SEZ6L: variants seen among roughly 807,000 people sequenced by gnomAD.
The protein encoded by SEZ6L is seizure related 6 homolog like, also known as seizure 6-like protein.
In SEZ6L, 37 loss-of-function variants were observed where a neutral mutation model predicts 106.2. That is an observed-to-expected ratio of 0.35 (90% CI 0.27 to 0.46). The LOEUF (loss-of-function observed/expected upper bound fraction) is 0.46, where lower values mean the gene tolerates loss of function less well. Ranked by LOEUF, SEZ6L falls within the 20% of genes least tolerant of loss-of-function variation. SEZ6L has a pLI of 1.00. For synonymous variants in SEZ6L, 541 were observed against 570.4 expected, an observed-to-expected ratio of 0.95 and a Z score of 0.73; for missense variants, 1,172 against 1,332.8, an observed-to-expected ratio of 0.88 and a Z score of 1.88.
chr22:26,314,658 CA>C (rs1362800443), intron 9 of SEZ6L, among the ~76,000 whole-genome samples: 1 of 152,214 alleles, frequency 6.6e-6, no homozygotes, highest in African/African-American at 2.4e-5. Context: ...CCTGTATTCA[CA>C]GGGGGTAACC....
chr22:26,336,974 T>C (rs1033674037), intron 9 of SEZ6L, among the ~76,000 whole-genome samples: 13 of 152,164 alleles, frequency 8.5e-5, no homozygotes, highest in Admixed American at 3.3e-4. Flanking sequence ...GTAACGATGA[T>C]GATGCCAAAA....
In SEZ6L at chr22:26,314,097, G is replaced by C. The variant is rs570006363; in HGVS notation, c.2015+195G>C. 2.0e-3 allele frequency among the ~76,000 whole-genome samples: 273 copies of C among 137,016 alleles called. 1 individual carries two copies. Among genetic ancestry groups the C allele is most frequent in the South Asian group, 0.016 (64 of 4,120 alleles). The allele number at this position is 137,016 out of a possible 152,430, so 89.9% of individuals were successfully genotyped here. A position where few individuals can be genotyped will look rare whatever the true frequency, so the allele number is the denominator to read the frequency against. On this transcript the variant is annotated intron_variant, in intron 9 of 16. Transcript: ENST00000248933. ...ACACACACACACACACACACACACAGAGAGAGAGAGAGAGGAGAGAGAGAG... is the reference window on the plus strand; with the variant it reads ...ACACACACACACACACACACACACACAGAGAGAGAGAGAGGAGAGAGAGAG...
At chr22:26,182,294 C>G (rs943122056) in intron 1 of SEZ6L, among the ~76,000 whole-genome samples, 4 of 152,168 alleles carry the variant, frequency 2.6e-5, no homozygotes, top group Admixed American at 6.6e-5. Context: ...CTTGGCGTAT[C>G]AGATAGTCAG....
intron 1 of SEZ6L, among the ~76,000 whole-genome samples, chr22:26,249,752 A>T (rs2079505001): frequency 6.6e-6 from 1 of 152,150 alleles, no homozygotes; most frequent in Non-Finnish European, 1.5e-5. Context: ...AGAAACCTTG[A>T]TACTGTTTTC....
intron 1 of SEZ6L, among the ~76,000 whole-genome samples, chr22:26,291,672 G>C (rs1285501593): frequency 3.3e-5 from 5 of 152,118 alleles, no homozygotes. Flanking sequence ...TTAGAAAAGA[G>C]AGTGTGGCCT....
chr22:26,239,745 C>A (rs891466401), intron 1 of SEZ6L, among the ~76,000 whole-genome samples: 11 of 152,074 alleles, frequency 7.2e-5, no homozygotes, highest in Admixed American at 1.3e-4. Context: ...ACTCACAGAG[C>A]CGCTGAGGTT....
Position 26,330,082 on chromosome 22 carries a change from C to T in SEZ6L, c.2016-10354C>T, listed in dbSNP as rs1056985748. On this transcript the variant is annotated intron_variant, in intron 9 of 16. Coordinates refer to ENST00000248933, the MANE Select transcript of SEZ6L (RefSeq NM_021115.5). ...ATCTGGAAAATGGACATAAATTTGC[C>T]GTCATTCCTTCATTTAAGTGAACTT... Among the ~76,000 whole-genome samples, 7 of 152,272 alleles carry T rather than the reference C, an allele frequency of 4.6e-5. No homozygotes were observed. In the South Asian group the frequency reaches 8.3e-4, roughly 18 times the overall value.
chr22:26,212,588 A>G (rs1483792816), intron 1 of SEZ6L, among the ~76,000 whole-genome samples: 12 of 152,012 alleles, frequency 7.9e-5, no homozygotes, highest in Non-Finnish European at 7.4e-5. Flanking sequence ...ATGCCCGCCC[A>G]ATTTTTGTAT....
intron 12 of SEZ6L, among the ~76,000 whole-genome samples, chr22:26,357,015 A>G (rs907511852): frequency 1.3e-5 from 2 of 150,738 alleles, no homozygotes; most frequent in African/African-American, 4.9e-5. Flanking sequence ...GCAGTGGCGC[A>G]ATCTTAGCCC....
Position 26,174,524 on chromosome 22 carries a change from C to A in SEZ6L, c.94+4761C>A, listed in dbSNP as rs1401440440. Among the ~76,000 whole-genome samples, 3 of 152,178 alleles carry A rather than the reference C, an allele frequency of 2.0e-5. No individual in the cohort carries two copies. In the East Asian group the frequency reaches 5.8e-4, roughly 29 times the overall value. On this transcript the variant is annotated intron_variant, in intron 1 of 16. Transcript: ENST00000248933. ...ACAAAGGACTTTGAGCCGCGGTGTT[C>A]GCTGTTGTCCACTAGAGGTTGTGAT...
intron 16 of SEZ6L, among the ~76,000 whole-genome samples, chr22:26,378,809 C>T (rs866601371): frequency 6.6e-6 from 1 of 152,196 alleles, no homozygotes; most frequent in South Asian, 2.1e-4. Flanking sequence ...CATCTCCCAA[C>T]GTTTGGGGGG....
chr22:26,295,789 C>T (rs1046861148), intron 3 of SEZ6L, among the ~76,000 whole-genome samples: 1 of 152,140 alleles, frequency 6.6e-6, no homozygotes, highest in African/African-American at 2.4e-5. Context: ...TGATGCAATG[C>T]CTGCCCTAAA....
chr22:26,347,489 A>T (rs920177162), intron 10 of SEZ6L, among the ~76,000 whole-genome samples: 2 of 152,072 alleles, frequency 1.3e-5, no homozygotes, highest in Non-Finnish European at 2.9e-5. Context: ...GAAATCCTAA[A>T]CTGGTTTTAT....
chr22:26,351,182 G>T lies in SEZ6L; in HGVS notation c.2538G>T (p.Leu846=). Reference sequence around the variant, plus strand: ...TTGTGCTTGAAGGGAGTTCTCTTCTGACCTGCTACAGCCGTGAAACAGGGA... The same window carrying T: ...TTGTGCTTGAAGGGAGTTCTCTTCTTACCTGCTACAGCCGTGAAACAGGGA... ...PGFVLEGSSL[L]TCYSRETGTP... The change falls in exon 12 of 17, where the codon CTG becomes CTT. Residue 846 remains leucine (L), a synonymous_variant. Transcript: ENST00000248933. The T allele has an allele frequency of 6.2e-7, 1 of 1,614,180 alleles. No individual in the cohort carries two copies. The highest frequency in any genetic ancestry group is 8.5e-7 in the Non-Finnish European group (1 of 1,180,036).
At chr22:26,379,037 C>T (rs1385622570) in intron 16 of SEZ6L, among the ~76,000 whole-genome samples, 1 of 152,198 alleles carries the variant, frequency 6.6e-6, no homozygotes, top group Non-Finnish European at 1.5e-5. Context: ...ACAAACAAGG[C>T]AGCAACTGGG....
At chr22:26,345,377 C>A (rs1276692946) in intron 10 of SEZ6L, among the ~76,000 whole-genome samples, 1 of 152,190 alleles carries the variant, frequency 6.6e-6, no homozygotes, top group Admixed American at 6.5e-5. Flanking sequence ...CAGGAGGTCC[C>A]ACGGGAGCGT....
chr22:26,316,968 G>A (rs2082023172), intron 9 of SEZ6L, among the ~76,000 whole-genome samples: 2 of 137,176 alleles, frequency 1.5e-5, no homozygotes, highest in Non-Finnish European at 1.6e-5. Context: ...AGGAGGGAGG[G>A]AGGGAGGACA....
intron 11 of SEZ6L, among the ~76,000 whole-genome samples, chr22:26,350,655 C>CTT (rs1181293548): frequency 6.3e-4 from 82 of 130,392 alleles, no homozygotes; most frequent in African/African-American, 1.3e-3. Flanking sequence ...AGTTAGGAAA[C>CTT]TTTTTTTTTT....
chr22:26,322,547 T>G (rs1363412622), intron 9 of SEZ6L, among the ~76,000 whole-genome samples: 1 of 152,194 alleles, frequency 6.6e-6, no homozygotes, highest in Non-Finnish European at 1.5e-5. Context: ...GAAATATCCC[T>G]GAGAAGGTGA....
Sources: gnomAD v4.1 joint callset for allele counts (sites outside exome capture counted in the v4.1 genomes callset) on GRCh38, gnomAD v4.1.1 for gene constraint, MANE v1.5 for transcripts, NCBI Gene and HGNC (gene_info 2026-07-23, HGNC 2026-07-21) for gene names.